ALK: variants seen among roughly 807,000 people sequenced by gnomAD.
ALK encodes the protein ALK receptor tyrosine kinase.
ALK carries 74 observed loss-of-function variants against 163.1 expected under a neutral mutation model. The observed-to-expected ratio is 0.45, with a 90% CI of 0.38 to 0.55. ALK has a LOEUF of 0.55. Among genes scored for constraint, ALK ranks in the 20% least tolerant of loss-of-function variants. ALK has a pLI of 0.00. For missense variants in ALK, 2,063 were observed against 2,105.3 expected (o/e 0.98, Z 0.39); for synonymous variants, 960 against 843.2 (o/e 1.14, Z -2.40).
At chr2:29,391,311 G>GA (rs1356142684) in intron 4 of ALK, among the ~76,000 whole-genome samples, 2 of 142,938 alleles carry the variant, frequency 1.4e-5, no homozygotes, top group African/African-American at 5.1e-5. Flanking sequence ...TTTTTGGGGG[G>GA]GGGGTGGTGG....
At chr2:29,739,620 A>G (rs1294388564) in intron 1 of ALK, among the ~76,000 whole-genome samples, 2 of 151,928 alleles carry the variant, frequency 1.3e-5, no homozygotes, top group African/African-American at 2.4e-5. Flanking sequence ...TTGGATCTGC[A>G]TTTCCATTCT....
chr2:29,889,221 C>G (rs909940888), intron 1 of ALK, among the ~76,000 whole-genome samples: 1 of 151,258 alleles, frequency 6.6e-6, no homozygotes. Context: ...AATGGTTTCT[C>G]TGCAGTGGAA....
chr2:29,689,333 G>T (rs1678327280), intron 3 of ALK, among the ~76,000 whole-genome samples: 1 of 152,196 alleles, frequency 6.6e-6, no homozygotes, highest in Non-Finnish European at 1.5e-5. Flanking sequence ...GTGACTGTGG[G>T]TGCAAAGGAG....
chr2:29,326,320 T>A (rs982087952), intron 6 of ALK, among the ~76,000 whole-genome samples: 1 of 152,194 alleles, frequency 6.6e-6, no homozygotes, highest in African/African-American at 2.4e-5. Flanking sequence ...GTCCCTGACA[T>A]GCTGTGTGAC....
chr2:29,408,317 T>G (rs1359350220), intron 4 of ALK, among the ~76,000 whole-genome samples: 2 of 151,916 alleles, frequency 1.3e-5, no homozygotes, highest in Non-Finnish European at 2.9e-5. Context: ...CTCGATCTCC[T>G]GACCTCATGA....
intron 4 of ALK, among the ~76,000 whole-genome samples, chr2:29,482,357 T>C (rs1293054983): frequency 6.6e-6 from 1 of 152,188 alleles, no homozygotes; most frequent in African/African-American, 2.4e-5. Flanking sequence ...GGATTCTGTG[T>C]ATGAAAGTGG....
intron 5 of ALK, among the ~76,000 whole-genome samples, chr2:29,347,981 G>A (rs532604624): frequency 6.6e-6 from 1 of 152,264 alleles, no homozygotes; most frequent in Non-Finnish European, 1.5e-5. Context: ...TACACCTTAA[G>A]AACCTCTGCC....
At chr2:29,590,058 G>A (rs2148205760) in intron 3 of ALK, among the ~76,000 whole-genome samples, 1 of 152,308 alleles carries the variant, frequency 6.6e-6, no homozygotes, top group Non-Finnish European at 1.5e-5. Context: ...CACAGCCAAA[G>A]CTAGTTTGTC....
chr2:29,518,350 G>A (rs1172586848), intron 4 of ALK, among the ~76,000 whole-genome samples: 1 of 152,202 alleles, frequency 6.6e-6, no homozygotes, highest in East Asian at 1.9e-4. Flanking sequence ...TGTGAAAGCT[G>A]GGGCCAGAAT....
chr2:29,894,569 T>C (rs796283868), intron 1 of ALK, among the ~76,000 whole-genome samples: 6 of 152,098 alleles, frequency 3.9e-5, no homozygotes, highest in Admixed American at 2.0e-4. Flanking sequence ...CAATAACTTA[T>C]CTAAGATAAC....
At chr2:29,446,100 A>AC (rs1670672454) in intron 4 of ALK, among the ~76,000 whole-genome samples, 1 of 63,084 alleles carries the variant, frequency 1.6e-5, no homozygotes, top group Non-Finnish European at 2.7e-5. Flanking sequence ...CTCCGTCTCA[A>AC]AAAAAAAAAA....
intron 5 of ALK, among the ~76,000 whole-genome samples, chr2:29,343,283 A>G (rs542429996): frequency 3.4e-5 from 5 of 145,976 alleles, no homozygotes; most frequent in African/African-American, 1.3e-4. Flanking sequence ...ATCATGGCTC[A>G]CAGCAGCTTC....
chr2:29,824,584 C>A (rs569443526), intron 1 of ALK, among the ~76,000 whole-genome samples: 1 of 152,220 alleles, frequency 6.6e-6, no homozygotes. Context: ...CAAGGGAGAT[C>A]ATTTTGGAGA....
intron 3 of ALK, among the ~76,000 whole-genome samples, chr2:29,668,817 G>A (rs560963644): frequency 2.9e-4 from 44 of 152,150 alleles, no homozygotes; most frequent in African/African-American, 8.9e-4. Flanking sequence ...ACATGGCTGC[G>A]GAGACCTCAC....
chr2:29,845,174 G>C (rs1013487235), intron 1 of ALK, among the ~76,000 whole-genome samples: 1 of 152,204 alleles, frequency 6.6e-6, no homozygotes, highest in African/African-American at 2.4e-5. Context: ...AATGATTTGA[G>C]TCACTGGAGG....
chr2:29,662,737 G>A (rs1398132425), intron 3 of ALK, among the ~76,000 whole-genome samples: 5 of 151,020 alleles, frequency 3.3e-5, no homozygotes, highest in South Asian at 2.1e-4. Flanking sequence ...TTTTTTTTGC[G>A]TAAATATGGA....
At chr2:29,216,988 A>G (rs1376591438) in intron 23 of ALK, among the ~76,000 whole-genome samples, 6 of 102,848 alleles carry the variant, frequency 5.8e-5, no homozygotes, top group East Asian at 6.6e-4. Flanking sequence ...TGTGTGTGGC[A>G]TGTGAGGTGT....
chr2:29,238,091 C>G (rs79430849), intron 13 of ALK, among the ~76,000 whole-genome samples: 15,746 of 152,206 alleles, frequency 0.1, 1,066 homozygotes, highest in Non-Finnish European at 0.14. Context: ...ATTTCCAGCA[C>G]AGGAGCTCCA....
intron 1 of ALK, among the ~76,000 whole-genome samples, chr2:29,902,110 C>T (rs1338064566): frequency 3.9e-5 from 6 of 152,200 alleles, no homozygotes; most frequent in African/African-American, 1.2e-4. Context: ...ATGCCCAGCC[C>T]TGACTTCTTA....
Sources: gnomAD v4.1 joint callset for allele counts (sites outside exome capture counted in the v4.1 genomes callset) on GRCh38, gnomAD v4.1.1 for gene constraint, MANE v1.5 for transcripts, NCBI Gene and HGNC (gene_info 2026-07-23, HGNC 2026-07-21) for gene names.